The following RTL4 variants were observed in gnomAD, a reference collection of about 807,000 sequenced individuals.
RTL4 encodes the protein retrotransposon Gag-like protein 4.
Under a neutral mutation model 5.3 loss-of-function variants are expected in RTL4, and 4 were observed. The ratio of observed to expected loss-of-function variants is 0.75; its 90% CI spans 0.37 to 1.72. The LOEUF is 1.72. RTL4 is among the 40% of genes most tolerant of loss of function. The probability of loss-of-function intolerance (pLI) is 0.04; values close to 1 mark genes in which losing one functional copy is unlikely to be tolerated. For missense variants in RTL4, 260 were observed against 227.1 expected (o/e 1.14, Z -0.93); for synonymous variants, 98 against 87.3 (o/e 1.12, Z -0.68).
the RTL4 span, among the ~76,000 whole-genome samples, chrX:112,095,083 T>G: frequency 2.7e-5 from 3 of 110,496 alleles, no homozygotes; most frequent in Admixed American, 9.6e-5. Flanking sequence ...GATAATATGA[T>G]GGCATCAAGA....
the RTL4 span, among the ~76,000 whole-genome samples, chrX:112,089,543 C>T: frequency 9.0e-6 from 1 of 111,116 alleles, no homozygotes; most frequent in Non-Finnish European, 1.9e-5. Flanking sequence ...TGTAAAAAAT[C>T]AATTGGCCAT....
At chrX:112,376,595 G>A in the RTL4 span, among the ~76,000 whole-genome samples, 3 of 112,268 alleles carry the variant, frequency 2.7e-5, no homozygotes, top group African/African-American at 9.7e-5. Flanking sequence ...TCACTATCAT[G>A]TCCTCATTTA....
the RTL4 span, among the ~76,000 whole-genome samples, chrX:112,312,539 A>G: frequency 9.0e-6 from 1 of 111,280 alleles, no homozygotes; most frequent in East Asian, 2.8e-4. Flanking sequence ...AAACAATTTG[A>G]CCTAGTTTAG....
chrX:112,245,311 C>A, the RTL4 span, among the ~76,000 whole-genome samples: 1 of 111,748 alleles, frequency 8.9e-6, no homozygotes, highest in Non-Finnish European at 1.9e-5. Flanking sequence ...GTTCCATTCT[C>A]CCCATCACTT....
chrX:112,311,331 C>T, the RTL4 span, among the ~76,000 whole-genome samples: 1 of 110,687 alleles, frequency 9.0e-6, no homozygotes, highest in Non-Finnish European at 1.9e-5. Context: ...CCTCTTTCCC[C>T]ATCTGATTCC....
chrX:112,149,744 A>G, the RTL4 span, among the ~76,000 whole-genome samples: 3 of 112,472 alleles, frequency 2.7e-5, no homozygotes, highest in African/African-American at 9.7e-5. Flanking sequence ...TGAATAAGGC[A>G]GATGGTGTTT....
At chrX:112,200,511 A>G in the RTL4 span, among the ~76,000 whole-genome samples, 1 of 112,161 alleles carries the variant, frequency 8.9e-6, no homozygotes, top group Non-Finnish European at 1.9e-5. Flanking sequence ...AGTTGGGAGA[A>G]CTAGAATTCC....
the RTL4 span, among the ~76,000 whole-genome samples, chrX:112,127,903 A>G: frequency 4.6e-4 from 52 of 112,293 alleles, no homozygotes; most frequent in African/African-American, 1.1e-3. Context: ...ACTACAAAAC[A>G]TTGCTTAGGA....
At chrX:112,292,119 A>G in the RTL4 span, among the ~76,000 whole-genome samples, 2 of 111,256 alleles carry the variant, frequency 1.8e-5, no homozygotes, top group African/African-American at 6.5e-5. Flanking sequence ...CTTGTCAATA[A>G]CCTCTAGAGT....
At chrX:112,310,169 T>A in the RTL4 span, among the ~76,000 whole-genome samples, 4 of 101,331 alleles carry the variant, frequency 3.9e-5, no homozygotes, top group Non-Finnish European at 7.9e-5. Flanking sequence ...TGATGGCATT[T>A]GAAGATGGGG....
the RTL4 span, among the ~76,000 whole-genome samples, chrX:112,340,503 G>T: frequency 1.0e-5 from 1 of 97,025 alleles, no homozygotes; most frequent in Admixed American, 1.3e-4. Context: ...GAAGGTGAAT[G>T]AAATATCTGA....
the RTL4 span, among the ~76,000 whole-genome samples, chrX:112,118,604 A>T: frequency 8.9e-6 from 1 of 111,845 alleles, no homozygotes; most frequent in Admixed American, 9.5e-5. Context: ...TGTGGGAGGG[A>T]ATTATACAAG....
the RTL4 span, among the ~76,000 whole-genome samples, chrX:112,197,674 G>A: frequency 5.4e-5 from 6 of 111,533 alleles, no homozygotes; most frequent in East Asian, 2.8e-4. Context: ...GGTATATGAG[G>A]CAAAACAAAA....
At chrX:112,177,104 G>A in the RTL4 span, among the ~76,000 whole-genome samples, 3 of 110,686 alleles carry the variant, frequency 2.7e-5, no homozygotes, top group African/African-American at 9.9e-5. Context: ...GGACACTTAG[G>A]TTGATTCCAG....
At chrX:112,169,084 TTTTCTTTCTTTCTTTC>T in the RTL4 span, among the ~76,000 whole-genome samples, 1 of 42,747 alleles carries the variant, frequency 2.3e-5, no homozygotes, top group African/African-American at 7.0e-5. Flanking sequence ...TCTTTCTTTC[TTTTCTTTCTTTCTTTC>T]TTTCTTTCTT....
At chrX:112,313,432 A>T in the RTL4 span, among the ~76,000 whole-genome samples, 1 of 111,162 alleles carries the variant, frequency 9.0e-6, no homozygotes, top group Non-Finnish European at 1.9e-5. Flanking sequence ...TAGTCTTCAC[A>T]ACACCCTGCA....
the RTL4 span, among the ~76,000 whole-genome samples, chrX:112,260,322 C>A: frequency 9.0e-6 from 1 of 111,415 alleles, no homozygotes; most frequent in Non-Finnish European, 1.9e-5. Context: ...CCTCACTGCC[C>A]TTTAGAGTCC....
At chrX:112,353,085 CTCA>C in the RTL4 span, among the ~76,000 whole-genome samples, 3 of 111,930 alleles carry the variant, frequency 2.7e-5, no homozygotes, top group Admixed American at 2.8e-4. Context: ...TGAAAAAATG[CTCA>C]TCATCACTGG....
At chrX:112,349,358 CT>C in the RTL4 span, among the ~76,000 whole-genome samples, 187 of 110,557 alleles carry the variant, frequency 1.7e-3, no homozygotes, top group African/African-American at 5.8e-3. Context: ...AGCATAAAGC[CT>C]TTTTTTTCTT....
Sources: allele counts gnomAD v4.1 joint callset (sites outside exome capture counted in the v4.1 genomes callset), GRCh38; gene constraint gnomAD v4.1.1; transcripts MANE v1.5; gene names NCBI Gene and HGNC (gene_info 2026-07-23, HGNC 2026-07-21).